The following RGS7 variants were observed in gnomAD, a reference collection of about 807,000 sequenced individuals.
RGS7 encodes regulator of G-protein signaling 7.
A neutral mutation model predicts 81.1 loss-of-function variants in RGS7; 27 were observed. That is an observed-to-expected ratio of 0.33 (90% confidence interval 0.25 to 0.46). The LOEUF (loss-of-function observed/expected upper bound fraction) is 0.46. Ranked by LOEUF, RGS7 falls within the 20% of genes least tolerant of loss-of-function variation. The probability of loss-of-function intolerance (pLI) is 1.00; values close to 1 mark genes in which losing one functional copy is unlikely to be tolerated. For synonymous variants in RGS7, 208 were observed against 207.7 expected, an observed-to-expected ratio of 1.00 and a Z score of -0.01; for missense variants, 396 against 607.4, an observed-to-expected ratio of 0.65 and a Z score of 3.66.
intron 2 of RGS7, among the ~76,000 whole-genome samples, chr1:241,173,230 A>T (rs2103267542): frequency 6.6e-6 from 1 of 152,174 alleles, no homozygotes; most frequent in African/African-American, 2.4e-5. Context: ...CCATCCTCTG[A>T]CCTCTACTCT....
chr1:240,883,978 A>G lies in RGS7; in HGVS notation c.386-13859T>C, dbSNP rs148578485. ...ATAATCCCAGCTACTCGGGAGGCTG[A>G]GGCAGGAGAATCGCTCGAACCTGGG... is the stretch of plus-strand genomic sequence containing the variant. On this transcript the variant is annotated intron_variant, in intron 6 of 18. Transcript: ENST00000440928. 6.0e-3 allele frequency among the ~76,000 whole-genome samples: 894 copies of G among 148,956 alleles called. 13 individuals are homozygous for G. Among genetic ancestry groups the G allele is most frequent in the African/African-American group, 0.021 (846 of 40,530 alleles).
At chr1:240,779,098 T>TG (rs1491476834) in intron 18 of RGS7, among the ~76,000 whole-genome samples, 47 of 95,474 alleles carry the variant, frequency 4.9e-4, no homozygotes, top group African/African-American at 1.9e-3. Flanking sequence ...ATTAGTGTTC[T>TG]TTGTGTGTGT....
In RGS7 at chr1:241,100,017, C is replaced by T. The variant is rs548750840; in HGVS notation, c.79-1255G>A. On this transcript the variant is annotated intron_variant, in intron 2 of 18. Coordinates refer to ENST00000440928, the MANE Select transcript of RGS7 (RefSeq NM_001364886.1). Reference sequence around the variant, plus strand: ...GTTATCTTTTCTTTTTATCTATAAGCCTAAAATTATTTCAAAGTAAACAGT... The same window carrying T: ...GTTATCTTTTCTTTTTATCTATAAGTCTAAAATTATTTCAAAGTAAACAGT... Among the ~76,000 whole-genome samples, 7 of 152,028 alleles carry T rather than the reference C, an allele frequency of 4.6e-5. No individual in the cohort carries two copies. In the South Asian group the frequency reaches 1.5e-3, roughly 32 times the overall value.
At chr1:241,082,266 T>A (rs2063176716) in intron 3 of RGS7, among the ~76,000 whole-genome samples, 1 of 152,166 alleles carries the variant, frequency 6.6e-6, no homozygotes, top group Admixed American at 6.6e-5. Context: ...CCAGTCCCAA[T>A]AATATTCACT....
At chr1:240,823,434 G>C in intron 10 of RGS7, 1 of 351,028 alleles carries the variant, frequency 2.8e-6, no homozygotes, top group South Asian at 2.4e-5. Context: ...GATGCCTCAC[G>C]TTATAGTCCA....
At chr1:241,279,958 C>T (rs1320052711) in intron 2 of RGS7, among the ~76,000 whole-genome samples, 4 of 152,084 alleles carry the variant, frequency 2.6e-5, no homozygotes, top group Non-Finnish European at 5.9e-5. Context: ...TAACCAATCC[C>T]CTGTGGAAGA....
intron 6 of RGS7, among the ~76,000 whole-genome samples, chr1:240,895,385 C>G (rs1178046067): frequency 6.6e-6 from 1 of 151,820 alleles, no homozygotes; most frequent in Non-Finnish European, 1.5e-5. Flanking sequence ...GTGTGCTGCA[C>G]CCATTAACGT....
At chr1:240,780,268 G>C (rs1683755142) in intron 18 of RGS7, among the ~76,000 whole-genome samples, 2 of 151,892 alleles carry the variant, frequency 1.3e-5, no homozygotes, top group Admixed American at 1.3e-4. Flanking sequence ...CCAACATGGT[G>C]AAACCCCATC....
At chr1:240,814,620 T>A (rs1021285168) in intron 12 of RGS7, 96 bp downstream of exon 12, 3 of 794,866 alleles carry the variant, frequency 3.8e-6, no homozygotes, top group Non-Finnish European at 6.6e-6. Flanking sequence ...CAATTATCTG[T>A]CCCAACTCCT....
chr1:241,185,243 GA>G (rs1483186659), intron 2 of RGS7, among the ~76,000 whole-genome samples: 11 of 152,244 alleles, frequency 7.2e-5, no homozygotes, highest in African/African-American at 2.4e-4. Context: ...GAAATAAACA[GA>G]AATTTCTATT....
At chr1:241,190,082 G>A (rs529992689) in intron 2 of RGS7, among the ~76,000 whole-genome samples, 13 of 150,922 alleles carry the variant, frequency 8.6e-5, no homozygotes, top group African/African-American at 2.0e-4. Context: ...CAGCCTGGGC[G>A]ACAGAGCAGA....
chr1:241,188,508 G>A (rs2072326469), intron 2 of RGS7, among the ~76,000 whole-genome samples: 1 of 151,880 alleles, frequency 6.6e-6, no homozygotes, highest in Non-Finnish European at 1.5e-5. Flanking sequence ...GTTAAACTCT[G>A]GTAATAGAAA....
At chr1:240,827,705 A>G (rs1693087576) in intron 9 of RGS7, among the ~76,000 whole-genome samples, 1 of 151,978 alleles carries the variant, frequency 6.6e-6, no homozygotes, top group African/African-American at 2.4e-5. Context: ...TCTACTAAAA[A>G]TACAAAAAAT....
chr1:240,841,882 A>C (rs1225955156), intron 9 of RGS7, among the ~76,000 whole-genome samples: 1 of 152,218 alleles, frequency 6.6e-6, no homozygotes, highest in Non-Finnish European at 1.5e-5. Context: ...CTTTTAAAAC[A>C]TGTTAATAAT....
intron 3 of RGS7, among the ~76,000 whole-genome samples, chr1:241,028,851 G>A (rs539408202): frequency 9.9e-5 from 15 of 152,246 alleles, no homozygotes; most frequent in South Asian, 4.1e-4. Context: ...AAACCGATGC[G>A]ACGATGACTA....
intron 3 of RGS7, among the ~76,000 whole-genome samples, chr1:241,054,369 A>T (rs1159143312): frequency 6.6e-6 from 1 of 152,190 alleles, no homozygotes; most frequent in African/African-American, 2.4e-5. Flanking sequence ...TCCTCCTCAG[A>T]CAGACTTTAA....
intron 2 of RGS7, among the ~76,000 whole-genome samples, chr1:241,241,608 A>G (rs919377982): frequency 6.6e-6 from 1 of 152,028 alleles, no homozygotes; most frequent in African/African-American, 2.4e-5. Flanking sequence ...GAGCTGTGTC[A>G]CACTTCACAA....
intron 3 of RGS7, among the ~76,000 whole-genome samples, chr1:241,064,775 G>A (rs2061964214): frequency 6.6e-6 from 1 of 151,984 alleles, no homozygotes; most frequent in African/African-American, 2.4e-5. Context: ...CAGGAATCTG[G>A]ATTTTTAGCA....
At chr1:240,914,352 C>A (rs1672249802) in intron 6 of RGS7, among the ~76,000 whole-genome samples, 1 of 152,096 alleles carries the variant, frequency 6.6e-6, no homozygotes, top group African/African-American at 2.4e-5. Flanking sequence ...TCATGCCCTG[C>A]CAATTGAGAG....
Sources: gnomAD v4.1 joint callset for allele counts (sites outside exome capture counted in the v4.1 genomes callset) on GRCh38, gnomAD v4.1.1 for gene constraint, MANE v1.5 for transcripts, NCBI Gene and HGNC (gene_info 2026-07-23, HGNC 2026-07-21) for gene names.